The following PHC3 variants were observed in gnomAD, a reference collection of about 807,000 sequenced individuals.
PHC3 encodes polyhomeotic-like protein 3.
In PHC3, 13 loss-of-function variants were observed where a neutral mutation model predicts 107.4. The observed-to-expected ratio is 0.12, with a 90% CI of 0.08 to 0.19. The LOEUF (loss-of-function observed/expected upper bound fraction) is 0.19. Among genes scored for constraint, PHC3 ranks in the 10% least tolerant of loss-of-function variants. The pLI, the probability that PHC3 is intolerant of heterozygous loss-of-function variation, is 1.00. For missense variants in PHC3, 992 were observed against 1,210.9 expected (o/e 0.82, Z 2.68); for synonymous variants, 456 against 427.4 (o/e 1.07, Z -0.83).
rs1714476386 is a variant in PHC3 at position 170,094,916 on chromosome 3, C to T, written c.*2314G>A. On this transcript the variant is annotated 3_prime_UTR_variant, in exon 15 of 15. Transcript: ENST00000495893. ...AGAGAACAAATAAAAGGAGAGCCTA[C>T]AACACAGTTCAAAATTGATACCTTA... 2 of 152,078 alleles carry T rather than the reference C, an allele frequency of 1.3e-5. No individual in the cohort carries two copies. Among genetic ancestry groups the T allele is most frequent in the African/African-American group, 4.8e-5 (2 of 41,412 alleles). 9.4% of individuals were successfully genotyped at this position (152,078 alleles called of 1,614,324 possible).
At chr3:170,107,513 G>A (rs1281955889) in intron 11 of PHC3, among the ~76,000 whole-genome samples, 1 of 152,118 alleles carries the variant, frequency 6.6e-6, no homozygotes, top group Non-Finnish European at 1.5e-5. Flanking sequence ...GGAGGCTGAG[G>A]CAGAAGAATC....
At chr3:170,180,932 T>G (rs1731284109) in intron 1 of PHC3, among the ~76,000 whole-genome samples, 1 of 152,224 alleles carries the variant, frequency 6.6e-6, no homozygotes, top group South Asian at 2.1e-4. Flanking sequence ...CTTTGGTAAC[T>G]CCACCGTCTA....
chr3:170,147,140 G>A (rs1003062014), intron 5 of PHC3: 1 of 152,200 alleles, frequency 6.6e-6, no homozygotes, highest in Non-Finnish European at 1.5e-5. Context: ...AAAGTGCTGG[G>A]ATTACAGGCA....
chr3:170,124,060 T>C (rs1475346884), intron 8 of PHC3, among the ~76,000 whole-genome samples: 2 of 151,902 alleles, frequency 1.3e-5, no homozygotes, highest in African/African-American at 4.8e-5. Context: ...AGGTTGGCCA[T>C]GATGGTCTTG....
chr3:170,162,604 T>C (rs576560922), intron 4 of PHC3, among the ~76,000 whole-genome samples: 4 of 152,214 alleles, frequency 2.6e-5, no homozygotes, highest in Non-Finnish European at 5.9e-5. Flanking sequence ...TGATCCAAAT[T>C]GCCAATATCT....
At chr3:170,121,309 T>TA (rs1055456862) in intron 9 of PHC3, among the ~76,000 whole-genome samples, 4 of 151,478 alleles carry the variant, frequency 2.6e-5, no homozygotes, top group African/African-American at 4.9e-5. Context: ...CCCTATCTCT[T>TA]AAAAAAAAGA....
rs550325623 is a variant in PHC3, at chr3:170,089,092, G to C, written c.*8138C>G. The C allele has an allele frequency of 6.6e-6, 1 of 152,316 alleles. No homozygotes were observed. The highest frequency in any genetic ancestry group is 2.1e-4 in the South Asian group (1 of 4,828). 9.4% of individuals were successfully genotyped at this position (152,316 alleles called of 1,614,324 possible). On this transcript the variant is annotated 3_prime_UTR_variant, in exon 15 of 15. Transcript: ENST00000495893. ...CAAGGTGGGAGAATCTATTGAACCT[G>C]GGAGGTGGAGGTTGCATTGAGCCAA... is the stretch of plus-strand genomic sequence containing the variant.
intron 4 of PHC3, among the ~76,000 whole-genome samples, chr3:170,165,202 C>A (rs1353993918): frequency 6.6e-6 from 1 of 152,158 alleles, no homozygotes; most frequent in Non-Finnish European, 1.5e-5. Context: ...GGGGAACCTG[C>A]ACTTGTACCC....
chr3:170,132,261 G>C (rs1387894994), intron 7 of PHC3, among the ~76,000 whole-genome samples: 1 of 152,140 alleles, frequency 6.6e-6, no homozygotes, highest in African/African-American at 2.4e-5. Context: ...GAAGGTGATA[G>C]GGTACTATAC....
intron 4 of PHC3, 107 bp from the exon 5 acceptor site, chr3:170,149,351 A>C (rs1331832288): frequency 5.0e-6 from 5 of 1,008,084 alleles, no homozygotes; most frequent in Non-Finnish European, 5.5e-6. Context: ...ACTGTGGCTA[A>C]GGAACCCAAA....
intron 11 of PHC3, among the ~76,000 whole-genome samples, chr3:170,111,261 A>AAAAG (rs1203417272): frequency 5.0e-4 from 61 of 121,380 alleles, no homozygotes; most frequent in South Asian, 1.6e-3. Flanking sequence ...TAAAACAAGA[A>AAAAG]GAAGGAAGGA....
At chr3:170,165,753 CAAAAAAAAAAA>C (rs1201987701) in intron 4 of PHC3, among the ~76,000 whole-genome samples, 33 of 41,122 alleles carry the variant, frequency 8.0e-4, no homozygotes, top group South Asian at 4.4e-3. Flanking sequence ...GACCTTGTCT[CAAAAAAAAAAA>C]AAAAAAAAAA....
chr3:170,127,503 A>G (rs1721514682), intron 8 of PHC3, among the ~76,000 whole-genome samples: 1 of 120,864 alleles, frequency 8.3e-6, no homozygotes, highest in Non-Finnish European at 1.8e-5. Flanking sequence ...AGAAGGTATA[A>G]TTCAATCTCT....
intron 6 of PHC3, among the ~76,000 whole-genome samples, chr3:170,136,977 A>G (rs76253696): frequency 0.017 from 2,575 of 152,216 alleles, 70 homozygotes; most frequent in African/African-American, 0.059. Context: ...GAAGGATCAT[A>G]AAGAACTAAA....
intron 7 of PHC3, among the ~76,000 whole-genome samples, chr3:170,134,128 C>T (rs370984202): frequency 2.6e-5 from 4 of 151,358 alleles, no homozygotes; most frequent in African/African-American, 9.7e-5. Flanking sequence ...CAGAGAGCAG[C>T]GCCTAGCACA....
chr3:170,099,761 C>T (rs572062510), intron 14 of PHC3, among the ~76,000 whole-genome samples: 1 of 152,166 alleles, frequency 6.6e-6, no homozygotes, highest in African/African-American at 2.4e-5. Flanking sequence ...GTATCACCTG[C>T]CACTCAATAC....
intron 2 of PHC3, among the ~76,000 whole-genome samples, chr3:170,177,268 G>A (rs1285247323): frequency 2.0e-5 from 3 of 152,138 alleles, no homozygotes; most frequent in Admixed American, 1.3e-4. Flanking sequence ...TAGGTTGAAT[G>A]CCTTCATACT....
intron 12 of PHC3, among the ~76,000 whole-genome samples, chr3:170,106,197 G>A (rs1255856427): frequency 6.6e-6 from 1 of 152,028 alleles, no homozygotes; most frequent in Non-Finnish European, 1.5e-5. Context: ...GGGCTATAGA[G>A]TAAGACTCTA....
Position 170,117,460 on chromosome 3 carries a change from A to C in PHC3, c.1959T>G (p.Pro653=). The C allele has an allele frequency of 6.2e-7, 1 of 1,607,700 alleles. No homozygotes were observed. Among genetic ancestry groups the C allele is most frequent in the Non-Finnish European group, 8.5e-7 (1 of 1,176,964 alleles). ...CTGAAGCACTGACTGATGCCACAGC[A>C]GGTAATTCCACTTGCTCTGAAAAAA... ...EHPLLEQVEL[P]AVASVSASVI... Residue 653 remains proline, a synonymous_variant, in exon 10 of 15, where the codon CCT becomes CCG. Transcript: ENST00000495893.
Sources: gnomAD v4.1 joint callset for allele counts (sites outside exome capture counted in the v4.1 genomes callset) on GRCh38, gnomAD v4.1.1 for gene constraint, MANE v1.5 for transcripts, NCBI Gene and HGNC (gene_info 2026-07-23, HGNC 2026-07-21) for gene names.